PPP1R12B: variants seen among roughly 807,000 people sequenced by gnomAD.
PPP1R12B encodes protein phosphatase 1 regulatory subunit 12B, also known as myosin phosphatase target subunit 2.
A neutral mutation model predicts 126.1 loss-of-function variants in PPP1R12B; 76 were observed. The observed-to-expected ratio is 0.60, with a 90% CI of 0.50 to 0.73. PPP1R12B has a LOEUF of 0.73. Among genes scored for constraint, PPP1R12B ranks in the 30% least tolerant of loss-of-function variants. The pLI, the probability that PPP1R12B is intolerant of heterozygous loss-of-function variation, is 0.00. For synonymous variants in PPP1R12B, 356 were observed against 434.7 expected, an observed-to-expected ratio of 0.82 and a Z score of 2.25; for missense variants, 1,052 against 1,205.1, an observed-to-expected ratio of 0.87 and a Z score of 1.88.
chr1:202,554,518 C>A (rs1200569159), intron 18 of PPP1R12B, among the ~76,000 whole-genome samples: 1 of 151,914 alleles, frequency 6.6e-6, no homozygotes, highest in East Asian at 1.9e-4. Flanking sequence ...CTAAGGTTAG[C>A]CCCTGAAGGC....
intron 8 of PPP1R12B, among the ~76,000 whole-genome samples, chr1:202,433,535 T>C (rs541603256): frequency 6.2e-4 from 95 of 152,342 alleles, no homozygotes; most frequent in African/African-American, 2.1e-3. Flanking sequence ...AATCTAGCTC[T>C]AGCTGACCTT....
At chr1:202,376,170 C>T (rs1661148980) in intron 1 of PPP1R12B, among the ~76,000 whole-genome samples, 1 of 152,032 alleles carries the variant, frequency 6.6e-6, no homozygotes, top group Admixed American at 6.5e-5. Context: ...TTATAACTTC[C>T]TTTGCTTAAA....
intron 13 of PPP1R12B, among the ~76,000 whole-genome samples, chr1:202,470,731 A>G (rs1429110088): frequency 6.6e-6 from 1 of 151,974 alleles, no homozygotes; most frequent in Non-Finnish European, 1.5e-5. Flanking sequence ...TCATCTCTAC[A>G]GAGAATTATA....
chr1:202,380,100 C>A lies in PPP1R12B; in HGVS notation c.291+30958C>A, dbSNP rs374547138. Among the ~76,000 whole-genome samples the A allele has an allele frequency of 3.9e-5, 6 of 152,268 alleles. No homozygotes were observed. In the East Asian group the frequency reaches 9.6e-4, roughly 24 times the overall value. On this transcript the variant is annotated intron_variant, in intron 1 of 23. Transcript: ENST00000608999. ...TGTTATTTGCCATCTCCTGAGCACTCCATGAACTTTTTGTTCATACCGTTC... is the reference window on the plus strand; with the variant it reads ...TGTTATTTGCCATCTCCTGAGCACTACATGAACTTTTTGTTCATACCGTTC...
chr1:202,355,474 G>A (rs949442627), intron 1 of PPP1R12B, among the ~76,000 whole-genome samples: 14 of 152,138 alleles, frequency 9.2e-5, no homozygotes, highest in Non-Finnish European at 1.3e-4. Flanking sequence ...CAGCATGGGC[G>A]AATAAATAGG....
chr1:202,443,205 C>G, intron 12 of PPP1R12B: 1 of 763,804 alleles, frequency 1.3e-6, no homozygotes, highest in Non-Finnish European at 1.6e-6. Flanking sequence ...AGCCAGCAAA[C>G]CAGGCACCTT....
intron 6 of PPP1R12B, among the ~76,000 whole-genome samples, chr1:202,429,592 C>T (rs949879425): frequency 6.6e-6 from 1 of 151,980 alleles, no homozygotes; most frequent in African/African-American, 2.4e-5. Flanking sequence ...GAAAACCCAC[C>T]CCATATACAG....
chr1:202,556,889 G>T lies in PPP1R12B; in HGVS notation c.2491-1988G>T, dbSNP rs995690775. On this transcript the variant is annotated intron_variant, in intron 18 of 23. Coordinates refer to ENST00000608999, the MANE Select transcript of PPP1R12B (RefSeq NM_002481.4). ...CATGTCACAATAAATAGTTTTCCTG[G>T]ACGTGAATTTTAATTCACCCAGATG... Among the ~76,000 whole-genome samples the T allele has an allele frequency of 4.6e-5, 7 of 152,298 alleles. No individual in the cohort carries two copies. The South Asian group carries it at 8.3e-4, about 18-fold the overall frequency.
At chr1:202,527,582 G>T (rs576517519) in intron 18 of PPP1R12B, among the ~76,000 whole-genome samples, 16 of 152,228 alleles carry the variant, frequency 1.1e-4, no homozygotes, top group Middle Eastern at 3.4e-3. Flanking sequence ...AGTTTAAGTG[G>T]ACACTCTTCT....
chr1:202,401,361 A>ATTTTTTTTTTTTTTTTTTTTT (rs34810265), intron 1 of PPP1R12B, among the ~76,000 whole-genome samples: 2 of 71,446 alleles, frequency 2.8e-5, no homozygotes, highest in Non-Finnish European at 4.9e-5. Flanking sequence ...GGCTAATTTA[A>ATTTTTTTTTTTTTTTTTTTTT]TTTTTTTTTT....
At chr1:202,472,506 C>T (rs560043127) in intron 13 of PPP1R12B, among the ~76,000 whole-genome samples, 6 of 152,296 alleles carry the variant, frequency 3.9e-5, no homozygotes, top group South Asian at 2.1e-4. Context: ...TTCTTACCAT[C>T]GGTAACACTT....
intron 18 of PPP1R12B, among the ~76,000 whole-genome samples, chr1:202,543,569 A>G (rs4950855): frequency 0.43 from 65,925 of 151,808 alleles, 15,670 homozygotes; most frequent in East Asian, 0.71. Context: ...GTGAAACCCC[A>G]TCTCTACTAA....
chr1:202,383,096 G>T (rs772645879), intron 1 of PPP1R12B, among the ~76,000 whole-genome samples: 1 of 152,106 alleles, frequency 6.6e-6, no homozygotes, highest in Admixed American at 6.6e-5. Context: ...AGTCAATTAA[G>T]TTTGCAATTG....
chr1:202,392,514 C>CTTCTTTTTTTT (rs1218445421), intron 1 of PPP1R12B, among the ~76,000 whole-genome samples: 2 of 150,822 alleles, frequency 1.3e-5, no homozygotes, highest in African/African-American at 2.4e-5. Flanking sequence ...GGATACAGGA[C>CTTCTTTTTTTT]TTCTTTTTTT....
intron 8 of PPP1R12B, among the ~76,000 whole-genome samples, chr1:202,432,769 G>A (rs1209149717): frequency 6.6e-6 from 1 of 152,194 alleles, no homozygotes; most frequent in African/African-American, 2.4e-5. Context: ...ATGATGAGAT[G>A]AAATGTTTCT....
At chr1:202,483,432 A>C (rs1290355774) in intron 13 of PPP1R12B, among the ~76,000 whole-genome samples, 2 of 152,246 alleles carry the variant, frequency 1.3e-5, no homozygotes, top group Non-Finnish European at 2.9e-5. Flanking sequence ...GAAGCCCAAA[A>C]AGTATATGTA....
At chr1:202,441,857 T>A (rs1671661345) in intron 11 of PPP1R12B, among the ~76,000 whole-genome samples, 3 of 152,098 alleles carry the variant, frequency 2.0e-5, no homozygotes, top group Admixed American at 1.3e-4. Flanking sequence ...ACACACTTTT[T>A]TCTTTATTTT....
intron 18 of PPP1R12B, 87 bp downstream of exon 18, chr1:202,496,909 A>G: frequency 7.4e-7 from 1 of 1,349,480 alleles, no homozygotes; most frequent in Non-Finnish European, 1.0e-6. Context: ...GCAAGACTTA[A>G]TGCAGATTTT....
At chr1:202,549,833 G>T (rs1686132439) in intron 18 of PPP1R12B, among the ~76,000 whole-genome samples, 1 of 152,108 alleles carries the variant, frequency 6.6e-6, no homozygotes, top group African/African-American at 2.4e-5. Context: ...TTTTATTCCT[G>T]TAAGTACTAC....
Sources: allele counts gnomAD v4.1 joint callset (sites outside exome capture counted in the v4.1 genomes callset), GRCh38; gene constraint gnomAD v4.1.1; transcripts MANE v1.5; gene names NCBI Gene and HGNC (gene_info 2026-07-23, HGNC 2026-07-21).